Variants in EPS8 observed in about 807,000 individuals in gnomAD.
EPS8 encodes the protein epidermal growth factor receptor kinase substrate 8.
EPS8 carries 42 observed loss-of-function variants against 103.8 expected under a neutral mutation model. The ratio of observed to expected loss-of-function variants is 0.40; its 90% confidence interval spans 0.32 to 0.52. The LOEUF is 0.52. Ranked by LOEUF, EPS8 falls within the 20% of genes least tolerant of loss-of-function variation. The pLI, the probability that EPS8 is intolerant of heterozygous loss-of-function variation, is 0.40. For missense variants in EPS8, 969 were observed against 1,005.1 expected (o/e 0.96, Z 0.49); for synonymous variants, 344 against 344.6 (o/e 1.00, Z 0.02).
Position 15,658,600 on chromosome 12 carries a change from G to A in EPS8, c.938-15C>T, listed in dbSNP as rs200899416. The A allele has an allele frequency of 1.8e-4, 280 of 1,552,562 alleles. No individual in the cohort carries two copies. Among genetic ancestry groups the A allele is most frequent in the Middle Eastern group, 6.7e-4 (4 of 5,970 alleles). Reference sequence around the variant, plus strand: ...TAAAACACCCTCTAATGAAATAAGCGAGAGGAGAGGATCAGAGCAAAATCC... The same window carrying A: ...TAAAACACCCTCTAATGAAATAAGCAAGAGGAGAGGATCAGAGCAAAATCC... On this transcript the variant is annotated splice_polypyrimidine_tract_variant and intron_variant, in intron 10 of 20. Transcript: ENST00000281172.
chr12:15,742,964 G>A (rs866239351), intron 1 of EPS8, among the ~76,000 whole-genome samples: 1 of 152,174 alleles, frequency 6.6e-6, no homozygotes, highest in African/African-American at 2.4e-5. Context: ...AAAACAGGAA[G>A]TCAAATTGTC....
chr12:15,756,310 T>C (rs1327552687), intron 1 of EPS8, among the ~76,000 whole-genome samples: 1 of 152,230 alleles, frequency 6.6e-6, no homozygotes, highest in Non-Finnish European at 1.5e-5. Context: ...ATATTTCTTC[T>C]TTGTCTTCAA....
Position 15,663,976 on chromosome 12 carries a change from T to TATACACAC in EPS8, c.736+1779_736+1780insGTGTGTAT, listed in dbSNP as rs35142421. Among the ~76,000 whole-genome samples the TATACACAC allele has an allele frequency of 3.0e-3, 312 of 104,398 alleles. 3 individuals carry two copies. Among genetic ancestry groups the TATACACAC allele is most frequent in the African/African-American group, 0.011 (301 of 28,180 alleles). The allele number at this position is 104,398 out of a possible 152,430, so 68.5% of individuals were successfully genotyped here. A position where few individuals can be genotyped will look rare whatever the true frequency, so the allele number is the denominator to read the frequency against. On this transcript the variant is annotated intron_variant, in intron 8 of 20. Coordinates refer to ENST00000281172, the MANE Select transcript of EPS8 (RefSeq NM_004447.6). ...ATATATATATATATATATATATATATACACACACACATATATATATGGTTC... is the reference window on the plus strand; with the variant it reads ...ATATATATATATATATATATATATATATACACACACACACACACATATATATATGGTTC...
intron 15 of EPS8, among the ~76,000 whole-genome samples, chr12:15,643,842 C>A (rs1456969406): frequency 6.6e-6 from 1 of 151,470 alleles, no homozygotes; most frequent in African/African-American, 2.4e-5. Flanking sequence ...AATAGATACG[C>A]CACTTGATAG....
Position 15,650,830 on chromosome 12 carries a change from G to A in EPS8, c.1427C>T (p.Ser476Phe), listed in dbSNP as rs1426622962. The change falls in exon 14 of 21, where the codon TCC becomes TTC. Residue 476 changes from serine (S) to phenylalanine (F), a missense_variant. Physicochemically the swap from Ser to Phe is radical, Grantham distance 155. Coordinates refer to ENST00000281172, the MANE Select transcript of EPS8 (RefSeq NM_004447.6). ...HQRKQEIKRLSTEHSSVSEYH... is the reference protein window; with the variant it reads ...HQRKQEIKRLFTEHSSVSEYH... ...TGTTAAAAAAAAAACTACCTCTGTGGATAATCTTTTTATTTCCTGTTTGCG... is the reference window on the plus strand; with the variant it reads ...TGTTAAAAAAAAAACTACCTCTGTGAATAATCTTTTTATTTCCTGTTTGCG... 6.2e-7 allele frequency: 1 copy of A among 1,613,508 alleles called. No individual in the cohort carries two copies. The highest frequency in any genetic ancestry group is 1.3e-5 in the African/African-American group (1 of 74,880).
chr12:15,624,908 G>T (rs1944920377), intron 18 of EPS8, among the ~76,000 whole-genome samples: 1 of 152,210 alleles, frequency 6.6e-6, no homozygotes, highest in Non-Finnish European at 1.5e-5. Context: ...CTGTCACACA[G>T]TGGGTAGAAG....
rs924732847 is a variant in EPS8 at position 15,784,887 on chromosome 12, A to C, written c.-22+4274T>G. ...AGTCTGGCAAGGCTGTATGATTCCAATTATACAACATCTGGAAAAGGCAAA... is the reference window on the plus strand; with the variant it reads ...AGTCTGGCAAGGCTGTATGATTCCACTTATACAACATCTGGAAAAGGCAAA... On this transcript the variant is annotated intron_variant, in intron 1 of 20. Transcript: ENST00000281172. The surrounding 1 kb of genome is among the most constrained non-coding windows in gnomAD (Gnocchi z 4.0). 1.3e-4 allele frequency among the ~76,000 whole-genome samples: 20 copies of C among 152,154 alleles called. No individual in the cohort carries two copies. Among genetic ancestry groups the C allele is most frequent in the African/African-American group, 4.8e-4 (20 of 41,456 alleles).
intron 1 of EPS8, among the ~76,000 whole-genome samples, chr12:15,726,849 G>C (rs1327818099): frequency 1.3e-5 from 2 of 152,130 alleles, no homozygotes. Context: ...CCTTGAAGCA[G>C]AAATGATTAC....
rs1437642872 is a variant in EPS8, at chr12:15,716,705, A to G, written c.-21-33733T>C. ...AACTACAAATATAGAGGCAGACAAA[A>G]TAGGCTGTAACATAATCTGTAAGCT... On this transcript the variant is annotated intron_variant, in intron 1 of 20. Transcript: ENST00000281172. The surrounding 1 kb of genome is among the most constrained non-coding windows in gnomAD (Gnocchi z 5.0). Among the ~76,000 whole-genome samples, 6 of 152,202 alleles carry G rather than the reference A, an allele frequency of 3.9e-5. No homozygotes were observed. The highest frequency in any genetic ancestry group is 1.4e-4 in the African/African-American group (6 of 41,450).
intron 3 of EPS8, among the ~76,000 whole-genome samples, chr12:15,677,393 G>A (rs1029622100): frequency 6.6e-6 from 1 of 152,030 alleles, no homozygotes; most frequent in Admixed American, 6.6e-5. Flanking sequence ...CAACCCAGGA[G>A]GCCCACTATA....
At chr12:15,681,649 G>A (rs1465498434) in intron 2 of EPS8, among the ~76,000 whole-genome samples, 3 of 144,622 alleles carry the variant, frequency 2.1e-5, no homozygotes, top group Non-Finnish European at 4.5e-5. Context: ...AGAATCGCAT[G>A]AACCCGGGAG....
intron 17 of EPS8, among the ~76,000 whole-genome samples, chr12:15,632,585 C>T (rs558147231): frequency 6.6e-6 from 1 of 152,132 alleles, no homozygotes; most frequent in African/African-American, 2.4e-5. Context: ...TGCACTGGCA[C>T]AATTTTAATT....
chr12:15,748,244 T>C lies in EPS8; in HGVS notation c.-22+40917A>G, dbSNP rs979608786. 6.6e-5 allele frequency among the ~76,000 whole-genome samples: 10 copies of C among 152,156 alleles called. No individual in the cohort carries two copies. Among genetic ancestry groups the C allele is most frequent in the Admixed American group, 3.3e-4 (5 of 15,274 alleles). On this transcript the variant is annotated intron_variant, in intron 1 of 20. Coordinates refer to ENST00000281172, the MANE Select transcript of EPS8 (RefSeq NM_004447.6). This position sits in a 1 kb window ranked among gnomAD's most constrained non-coding sequence, Gnocchi z 4.8. Reference sequence around the variant, plus strand: ...CACTGAGAAGCAAATGATATAATAATGTAAAATGTTTTGAAAACTTCGAAA... The same window carrying C: ...CACTGAGAAGCAAATGATATAATAACGTAAAATGTTTTGAAAACTTCGAAA...
chr12:15,774,676 T>A (rs1420820534), intron 1 of EPS8, among the ~76,000 whole-genome samples: 2 of 147,466 alleles, frequency 1.4e-5, no homozygotes, highest in Admixed American at 6.8e-5. Context: ...ATATATATAT[T>A]TTAAACATAT....
intron 1 of EPS8, among the ~76,000 whole-genome samples, chr12:15,739,386 G>T (rs1300311579): frequency 6.6e-6 from 1 of 152,058 alleles, no homozygotes; most frequent in Non-Finnish European, 1.5e-5. Flanking sequence ...ACTTCTGGGT[G>T]TATCTGTGAC....
chr12:15,746,621 A>G (rs1201975496), intron 1 of EPS8, among the ~76,000 whole-genome samples: 1 of 152,188 alleles, frequency 6.6e-6, no homozygotes, highest in African/African-American at 2.4e-5. Context: ...ATGAGATCGT[A>G]TAACAGAAGA....
chr12:15,720,892 A>G (rs1946587788), intron 1 of EPS8, among the ~76,000 whole-genome samples: 1 of 152,162 alleles, frequency 6.6e-6, no homozygotes, highest in South Asian at 2.1e-4. Flanking sequence ...GCACACCCAG[A>G]TATTTAAAGT....
At chr12:15,639,804 C>T (rs1945197652) in intron 17 of EPS8, among the ~76,000 whole-genome samples, 1 of 152,178 alleles carries the variant, frequency 6.6e-6, no homozygotes, top group African/African-American at 2.4e-5. Flanking sequence ...AACTATTTCA[C>T]TGCATATTCT....
At chr12:15,685,560 T>C (rs898589381) in intron 1 of EPS8, among the ~76,000 whole-genome samples, 3 of 152,216 alleles carry the variant, frequency 2.0e-5, no homozygotes, top group Non-Finnish European at 2.9e-5. Flanking sequence ...GTCTCTCTTT[T>C]GTTTTAAAAT....
Sources: gnomAD v4.1 joint callset for allele counts (sites outside exome capture counted in the v4.1 genomes callset) on GRCh38, gnomAD v4.1.1 for gene constraint, Gnocchi (gnomAD v3.1) non-coding constraint, MANE v1.5 for transcripts, NCBI Gene and HGNC (gene_info 2026-07-23, HGNC 2026-07-21) for gene names.